The following MSR1 variants were observed in gnomAD, a reference collection of about 807,000 sequenced individuals.
The protein encoded by MSR1 is macrophage scavenger receptor types I and II.
A neutral mutation model predicts 47.2 loss-of-function variants in MSR1; 53 were observed. The observed-to-expected ratio is 1.12, with a 90% CI of 0.90 to 1.41. The LOEUF (loss-of-function observed/expected upper bound fraction) is 1.41, where lower values mean the gene tolerates loss of function less well. Among genes scored for constraint, MSR1 ranks in the 40% most tolerant of loss-of-function variants. MSR1 has a pLI of 0.00. For missense variants in MSR1, 786 were observed against 546.9 expected, an observed-to-expected ratio of 1.44 and a Z score of -4.36; for synonymous variants, 239 against 185.6, an observed-to-expected ratio of 1.29 and a Z score of -2.34.
intron 8 of MSR1, among the ~76,000 whole-genome samples, chr8:16,122,190 T>C (rs1306013034): frequency 6.6e-6 from 1 of 152,124 alleles, no homozygotes; most frequent in African/African-American, 2.4e-5. Flanking sequence ...AAAAACACTT[T>C]AAAACATGAA....
chr8:16,155,662 C>T (rs1334953860), intron 5 of MSR1, among the ~76,000 whole-genome samples: 1 of 151,730 alleles, frequency 6.6e-6, no homozygotes, highest in Non-Finnish European at 1.5e-5. Flanking sequence ...AACTGTAGAT[C>T]GGCGTGAATG....
chr8:16,190,159 A>C (rs533291508), intron 1 of MSR1, among the ~76,000 whole-genome samples: 7 of 152,160 alleles, frequency 4.6e-5, no homozygotes, highest in African/African-American at 1.4e-4. Flanking sequence ...TGGCCTCCCA[A>C]AGTGCTGGGA....
At chr8:16,186,404 G>A (rs370067) in intron 1 of MSR1, 97,330 of 532,810 alleles carry the variant, frequency 0.18, 12,522 homozygotes, top group East Asian at 0.47. Flanking sequence ...CCCATAGCTC[G>A]TCTCTCAACT....
At chr8:16,174,304 C>T (rs150269875) in intron 3 of MSR1, among the ~76,000 whole-genome samples, 4 of 152,222 alleles carry the variant, frequency 2.6e-5, no homozygotes, top group African/African-American at 9.6e-5. Context: ...GTATCTTATT[C>T]CCAGCCTATC....
intron 5 of MSR1, among the ~76,000 whole-genome samples, chr8:16,158,410 A>G (rs926348685): frequency 6.6e-6 from 1 of 151,976 alleles, no homozygotes; most frequent in African/African-American, 2.4e-5. Flanking sequence ...AAATTACACA[A>G]TTTACTAGAA....
intron 1 of MSR1, among the ~76,000 whole-genome samples, chr8:16,188,261 G>C (rs1456949843): frequency 1.3e-5 from 2 of 151,742 alleles, no homozygotes; most frequent in East Asian, 3.9e-4. Context: ...TTACTTTTTT[G>C]TTTTTATTAT....
At chr8:16,124,589 G>A (rs186594791) in intron 8 of MSR1, among the ~76,000 whole-genome samples, 4 of 152,148 alleles carry the variant, frequency 2.6e-5, no homozygotes, top group Non-Finnish European at 4.4e-5. Flanking sequence ...TTTGGTTCCT[G>A]TCTGGAATGT....
At chr8:16,141,768 C>T (rs1380722253) in intron 8 of MSR1, among the ~76,000 whole-genome samples, 3 of 151,884 alleles carry the variant, frequency 2.0e-5, no homozygotes, top group Admixed American at 6.6e-5. Context: ...ATGTTCAAAG[C>T]ATTTGATAAC....
Position 16,153,981 on chromosome 8 carries a change from T to C in MSR1, c.898+1083A>G, listed in dbSNP as rs770958472. 3.2e-4 allele frequency among the ~76,000 whole-genome samples: 48 copies of C among 151,944 alleles called. 1 individual carries two copies. Among genetic ancestry groups the C allele is most frequent in the Non-Finnish European group, 6.0e-4 (41 of 67,958 alleles). On this transcript the variant is annotated intron_variant, in intron 6 of 9. Transcript: ENST00000262101. ...CACCTGACTTGGCATATTATATATATGGGTAGGATTGCTATTTTATATATA... is the reference window on the plus strand; with the variant it reads ...CACCTGACTTGGCATATTATATATACGGGTAGGATTGCTATTTTATATATA...
At chr8:16,116,675 A>C (rs963440505) in intron 9 of MSR1, among the ~76,000 whole-genome samples, 1 of 151,314 alleles carries the variant, frequency 6.6e-6, no homozygotes, top group Non-Finnish European at 1.5e-5. Flanking sequence ...AGAAATCCCT[A>C]CTTTATAGAG....
At chr8:16,141,163 C>G in intron 8 of MSR1, 2 of 1,140,562 alleles carry the variant, frequency 1.8e-6, no homozygotes, top group Non-Finnish European at 2.5e-6. Flanking sequence ...CCACCATTAA[C>G]TACAGATGTG....
intron 6 of MSR1, among the ~76,000 whole-genome samples, chr8:16,153,044 T>C (rs1462090909): frequency 1.3e-5 from 2 of 152,206 alleles, no homozygotes; most frequent in Admixed American, 1.3e-4. Flanking sequence ...ATAATAATTC[T>C]ACTATATTTA....
chr8:16,160,203 T>C (rs751475143), intron 5 of MSR1, among the ~76,000 whole-genome samples: 3 of 149,902 alleles, frequency 2.0e-5, no homozygotes, highest in Non-Finnish European at 2.9e-5. Context: ...CAGGAAACAA[T>C]TGCAACTCTG....
chr8:16,117,802 C>G (rs906356870), intron 9 of MSR1, among the ~76,000 whole-genome samples: 17 of 152,090 alleles, frequency 1.1e-4, no homozygotes, highest in African/African-American at 4.1e-4. Flanking sequence ...GGAAACCAAG[C>G]TGAGAGCTCC....
At chr8:16,169,701 C>T (rs923589079) in intron 3 of MSR1, among the ~76,000 whole-genome samples, 1 of 151,768 alleles carries the variant, frequency 6.6e-6, no homozygotes, top group African/African-American at 2.4e-5. Context: ...TAATGTAATG[C>T]TCTATCATAA....
At chr8:16,186,201 T>C (rs1234937275) in intron 1 of MSR1, 6 of 1,535,460 alleles carry the variant, frequency 3.9e-6, no homozygotes, top group Middle Eastern at 1.7e-4. Flanking sequence ...TGCACTGAGA[T>C]AGCACATCCA....
intron 3 of MSR1, among the ~76,000 whole-genome samples, chr8:16,171,448 T>A (rs919690621): frequency 6.6e-6 from 1 of 152,156 alleles, no homozygotes; most frequent in African/African-American, 2.4e-5. Context: ...GTATTGAGTA[T>A]GTTACTCTAC....
At chr8:16,151,521 A>G (rs967269978) in intron 6 of MSR1, among the ~76,000 whole-genome samples, 4 of 152,116 alleles carry the variant, frequency 2.6e-5, no homozygotes, top group Non-Finnish European at 5.9e-5. Context: ...GTTGAACTTT[A>G]TTCCATAAGA....
chr8:16,138,554 A>G (rs1030900594), intron 8 of MSR1, among the ~76,000 whole-genome samples: 1 of 152,232 alleles, frequency 6.6e-6, no homozygotes, highest in East Asian at 1.9e-4. Context: ...AAAAATCTAT[A>G]TTTAGTCTAG....
Sources: gnomAD v4.1 joint callset for allele counts (sites outside exome capture counted in the v4.1 genomes callset) on GRCh38, gnomAD v4.1.1 for gene constraint, MANE v1.5 for transcripts, NCBI Gene and HGNC (gene_info 2026-07-23, HGNC 2026-07-21) for gene names.